The following FGF12 variants were observed in gnomAD, a reference collection of about 807,000 sequenced individuals.
FGF12 encodes fibroblast growth factor 12.
FGF12 carries 14 observed loss-of-function variants against 23.6 expected under a neutral mutation model. The observed-to-expected ratio is 0.59, with a 90% CI of 0.39 to 0.93. FGF12 has a LOEUF of 0.93. Among genes scored for constraint, FGF12 ranks in the 40% least tolerant of loss-of-function variants. The pLI is 0.00. For synonymous variants in FGF12, 62 were observed against 77.3 expected (o/e 0.80, Z 1.04); for missense variants, 175 against 217.8 (o/e 0.80, Z 1.24).
intron 4 of FGF12, among the ~76,000 whole-genome samples, chr3:192,252,462 CAAAAAAAAAAAAAAA>C (rs56920518): frequency 1.5e-4 from 4 of 27,510 alleles, no homozygotes; most frequent in South Asian, 2.1e-3. Context: ...GAATCTGTCT[CAAAAAAAAAAAAAAA>C]AAAAAAAAAA....
intron 2 of FGF12, among the ~76,000 whole-genome samples, chr3:192,622,620 T>C (rs767814541): frequency 2.6e-5 from 4 of 152,220 alleles, no homozygotes; most frequent in Non-Finnish European, 5.9e-5. Flanking sequence ...TGAAGCTTAG[T>C]TTACATAATT....
chr3:192,372,067 A>G (rs561670466), intron 2 of FGF12, among the ~76,000 whole-genome samples: 114 of 152,336 alleles, frequency 7.5e-4, no homozygotes, highest in African/African-American at 2.3e-3. Context: ...CTATGCACAC[A>G]GAAAGTGTTC....
chr3:192,634,650 T>A (rs1379294616), intron 2 of FGF12, among the ~76,000 whole-genome samples: 1 of 152,132 alleles, frequency 6.6e-6, no homozygotes, highest in Non-Finnish European at 1.5e-5. Flanking sequence ...CAAGAGTGTA[T>A]ACTGCAGTAT....
At position 192,305,677 on chromosome 3, in the gene FGF12, A is replaced by ATAT. The variant is rs1273411210; in HGVS notation, c.228+29683_228+29684insATA. ...GAAAGGTGGCTTAGGAAAAAAAAAA[A>ATAT]AAATATATATATATATATAAATATA... On this transcript the variant is annotated intron_variant, in intron 4 of 5. Transcript: ENST00000445105. 6.2e-3 allele frequency among the ~76,000 whole-genome samples: 690 copies of ATAT among 111,874 alleles called. 2 individuals are homozygous for ATAT. The East Asian group carries it at 0.069, about 11-fold the overall frequency. 73.4% of individuals were successfully genotyped at this position (111,874 alleles called of 152,430 possible).
At chr3:192,639,706 T>A (rs1159856804) in intron 2 of FGF12, among the ~76,000 whole-genome samples, 1 of 152,228 alleles carries the variant, frequency 6.6e-6, no homozygotes, top group Non-Finnish European at 1.5e-5. Flanking sequence ...TTCTCATCAT[T>A]ATTCCCTATA....
At chr3:192,507,380 C>CAT (rs1254488200) in intron 2 of FGF12, among the ~76,000 whole-genome samples, 21 of 134,972 alleles carry the variant, frequency 1.6e-4, no homozygotes, top group Admixed American at 6.1e-4. Flanking sequence ...CACACACACA[C>CAT]ATACAAGCAC....
intron 2 of FGF12, among the ~76,000 whole-genome samples, chr3:192,557,954 G>T (rs1711858984): frequency 6.6e-6 from 1 of 151,760 alleles, no homozygotes; most frequent in African/African-American, 2.4e-5. Context: ...AAAACCAACA[G>T]ATAACATAAT....
Position 192,409,612 on chromosome 3 carries a change from G to T in FGF12, c.14-49074C>A, listed in dbSNP as rs772513249. On this transcript the variant is annotated intron_variant, in intron 2 of 5. Transcript: ENST00000445105. This position sits in a 1 kb window ranked among gnomAD's most constrained non-coding sequence, Gnocchi z 4.8. ...AGGAAGGAAGTGACCCGCGCGCTGC[G>T]AATACCCGCGCGTCCGCTCGGGTGG... 8.1e-4 allele frequency among the ~76,000 whole-genome samples: 123 copies of T among 152,332 alleles called. No individual in the cohort carries two copies. The highest frequency in any genetic ancestry group is 1.6e-3 in the Non-Finnish European group (108 of 68,014).
intron 2 of FGF12, among the ~76,000 whole-genome samples, chr3:192,662,650 T>C (rs943552995): frequency 2.0e-5 from 3 of 152,224 alleles, no homozygotes; most frequent in African/African-American, 7.2e-5. Context: ...AGCTGGGGTT[T>C]CTACAACTAA....
intron 4 of FGF12, among the ~76,000 whole-genome samples, chr3:192,171,202 C>CA (rs1715541799): frequency 6.6e-6 from 1 of 151,920 alleles, no homozygotes; most frequent in Non-Finnish European, 1.5e-5. Context: ...CCTTAGTAAT[C>CA]AAAATCTCAG....
chr3:192,723,004 T>C (rs143003230), intron 2 of FGF12, among the ~76,000 whole-genome samples: 192 of 152,232 alleles, frequency 1.3e-3, no homozygotes, highest in African/African-American at 4.2e-3. Flanking sequence ...ACTTAGGTCA[T>C]AGGAATCTCA....
At chr3:192,185,941 T>C (rs1336466568) in intron 4 of FGF12, among the ~76,000 whole-genome samples, 2 of 151,416 alleles carry the variant, frequency 1.3e-5, no homozygotes, top group East Asian at 3.9e-4. Context: ...AAATATTCAC[T>C]CATTGGTGAA....
chr3:192,627,852 ATGTGTGTGTG>A (rs138709721), intron 2 of FGF12, among the ~76,000 whole-genome samples: 4 of 147,250 alleles, frequency 2.7e-5, no homozygotes, highest in Non-Finnish European at 4.5e-5. Flanking sequence ...GTGTGTGTGC[ATGTGTGTGTG>A]TGTGTGTGTG....
At chr3:192,312,491 A>G (rs886893834) in intron 4 of FGF12, among the ~76,000 whole-genome samples, 1 of 151,926 alleles carries the variant, frequency 6.6e-6, no homozygotes, top group East Asian at 1.9e-4. Context: ...AATAACTAAG[A>G]AAGTTTGTGG....
chr3:192,178,362 G>C (rs1715976025), intron 4 of FGF12, among the ~76,000 whole-genome samples: 1 of 152,082 alleles, frequency 6.6e-6, no homozygotes, highest in Non-Finnish European at 1.5e-5. Context: ...CAGAGAAATA[G>C]ACTTTGCTAT....
intron 4 of FGF12, among the ~76,000 whole-genome samples, chr3:192,264,685 T>C (rs1712972010): frequency 6.6e-6 from 1 of 152,106 alleles, no homozygotes; most frequent in African/African-American, 2.4e-5. Flanking sequence ...GAGTAGAATC[T>C]TATGATGATT....
At chr3:192,701,132 C>G (rs1201810657) in intron 2 of FGF12, among the ~76,000 whole-genome samples, 2 of 152,140 alleles carry the variant, frequency 1.3e-5, no homozygotes, top group Non-Finnish European at 2.9e-5. Context: ...TTTCCACAAC[C>G]CTTTATCTTA....
intron 2 of FGF12, among the ~76,000 whole-genome samples, chr3:192,491,165 T>C (rs1284842447): frequency 6.6e-6 from 1 of 152,138 alleles, no homozygotes; most frequent in African/African-American, 2.4e-5. Context: ...CTCTTATTCC[T>C]CCATAGAATT....
At chr3:192,697,263 TACA>T (rs925342991) in intron 2 of FGF12, among the ~76,000 whole-genome samples, 6 of 152,236 alleles carry the variant, frequency 3.9e-5, no homozygotes, top group Non-Finnish European at 7.3e-5. Flanking sequence ...GGTCTGAGTC[TACA>T]ACAACTCTTC....
Sources: gnomAD v4.1 joint callset for allele counts (sites outside exome capture counted in the v4.1 genomes callset) on GRCh38, gnomAD v4.1.1 for gene constraint, Gnocchi (gnomAD v3.1) non-coding constraint, MANE v1.5 for transcripts, NCBI Gene and HGNC (gene_info 2026-07-23, HGNC 2026-07-21) for gene names.